The following DYNC1I1 variants were observed in gnomAD, a reference collection of about 807,000 sequenced individuals.
DYNC1I1 encodes dynein cytoplasmic 1 intermediate chain 1.
DYNC1I1 carries 43 observed loss-of-function variants against 86.6 expected under a neutral mutation model. The observed-to-expected ratio is 0.50, with a 90% CI of 0.39 to 0.64. The LOEUF is 0.64. Ranked by LOEUF, DYNC1I1 falls within the 30% of genes least tolerant of loss-of-function variation. DYNC1I1 has a pLI of 0.00. For missense variants in DYNC1I1, 604 were observed against 788.8 expected, an observed-to-expected ratio of 0.77 and a Z score of 2.81; for synonymous variants, 262 against 283.7, an observed-to-expected ratio of 0.92 and a Z score of 0.77.
chr7:96,026,375 A>AT (rs927302366), intron 10 of DYNC1I1, among the ~76,000 whole-genome samples: 1 of 151,244 alleles, frequency 6.6e-6, no homozygotes, highest in South Asian at 2.1e-4. Context: ...GTTCTGTTTT[A>AT]TTTTTTTTAA....
chr7:95,933,227 A>G (rs1791949719), intron 6 of DYNC1I1, among the ~76,000 whole-genome samples: 1 of 152,206 alleles, frequency 6.6e-6, no homozygotes. Flanking sequence ...ATCTCTAAAT[A>G]TGAAAATTCA....
chr7:95,991,071 A>T (rs1050974776), intron 9 of DYNC1I1, among the ~76,000 whole-genome samples: 5 of 152,120 alleles, frequency 3.3e-5, no homozygotes, highest in African/African-American at 1.2e-4. Context: ...AAAATAAAGG[A>T]CTAATAATTT....
At chr7:96,008,326 G>A (rs1235160024) in intron 10 of DYNC1I1, among the ~76,000 whole-genome samples, 1 of 152,016 alleles carries the variant, frequency 6.6e-6, no homozygotes, top group Non-Finnish European at 1.5e-5. Flanking sequence ...CAGAGGGAAG[G>A]GGGTCATTAA....
intron 1 of DYNC1I1, among the ~76,000 whole-genome samples, chr7:95,792,044 T>C (rs1361460246): frequency 6.6e-6 from 1 of 152,246 alleles, no homozygotes; most frequent in African/African-American, 2.4e-5. Context: ...ATGGACATAA[T>C]GTCTCCAATA....
At chr7:95,836,952 CCTT>C (rs1264173040) in intron 5 of DYNC1I1, among the ~76,000 whole-genome samples, 5 of 152,052 alleles carry the variant, frequency 3.3e-5, no homozygotes, top group Admixed American at 6.6e-5. Context: ...TCGTCTGAAG[CCTT>C]CTTCTCTCAG....
At chr7:96,047,894 G>GA (rs1335215458) in intron 14 of DYNC1I1, among the ~76,000 whole-genome samples, 12 of 150,246 alleles carry the variant, frequency 8.0e-5, no homozygotes, top group Admixed American at 5.3e-4. Flanking sequence ...TAAATTAAAA[G>GA]AAAAAACCAG....
intron 8 of DYNC1I1, among the ~76,000 whole-genome samples, chr7:95,986,538 G>A (rs569253820): frequency 1.3e-5 from 2 of 152,232 alleles, no homozygotes; most frequent in South Asian, 2.1e-4. Flanking sequence ...TGTCTACCAC[G>A]CCTGTCTCAT....
intron 5 of DYNC1I1, among the ~76,000 whole-genome samples, chr7:95,865,891 A>G (rs1388667517): frequency 6.6e-6 from 1 of 152,216 alleles, no homozygotes; most frequent in Non-Finnish European, 1.5e-5. Flanking sequence ...AGGTGTGCCC[A>G]TCATGAAGCC....
At chr7:95,956,757 C>T (rs1391427783) in intron 6 of DYNC1I1, among the ~76,000 whole-genome samples, 1 of 152,086 alleles carries the variant, frequency 6.6e-6, no homozygotes, top group African/African-American at 2.4e-5. Flanking sequence ...GTATATGTGC[C>T]ACAATTCCTT....
chr7:95,920,118 G>T (rs1791572703), intron 6 of DYNC1I1, among the ~76,000 whole-genome samples: 1 of 152,180 alleles, frequency 6.6e-6, no homozygotes. Flanking sequence ...TAATCCTATA[G>T]TCGAGGAACT....
chr7:95,888,386 G>A (rs1477317554), intron 6 of DYNC1I1, among the ~76,000 whole-genome samples: 1 of 152,184 alleles, frequency 6.6e-6, no homozygotes, highest in Non-Finnish European at 1.5e-5. Context: ...ACAGTGAGCT[G>A]TGATCATGCC....
chr7:95,793,630 CAG>C (rs1460352869), intron 1 of DYNC1I1, among the ~76,000 whole-genome samples: 5 of 152,186 alleles, frequency 3.3e-5, no homozygotes, highest in African/African-American at 1.2e-4. Flanking sequence ...TGGTTGCACA[CAG>C]AGTCTAAATG....
At chr7:96,013,830 G>A (rs546710472) in intron 10 of DYNC1I1, among the ~76,000 whole-genome samples, 4 of 152,170 alleles carry the variant, frequency 2.6e-5, no homozygotes, top group Non-Finnish European at 5.9e-5. Flanking sequence ...AGAGAGAAGA[G>A]AAGCCCATCT....
intron 6 of DYNC1I1, among the ~76,000 whole-genome samples, chr7:95,901,222 G>A (rs1791029078): frequency 6.6e-6 from 1 of 152,158 alleles, no homozygotes; most frequent in African/African-American, 2.4e-5. Context: ...ATTGACTAGT[G>A]CCCAGTTAGG....
chr7:96,023,055 T>G (rs899506451), intron 10 of DYNC1I1, among the ~76,000 whole-genome samples: 1 of 152,142 alleles, frequency 6.6e-6, no homozygotes, highest in South Asian at 2.1e-4. Flanking sequence ...CCAAATACAC[T>G]TTTCCATTAA....
chr7:95,871,457 A>G (rs1446720351), intron 6 of DYNC1I1, among the ~76,000 whole-genome samples: 1 of 152,228 alleles, frequency 6.6e-6, no homozygotes, highest in East Asian at 1.9e-4. Flanking sequence ...AAGATCGTTA[A>G]AAAACATCCT....
chr7:95,962,238 A>ACTGC (rs1263956960), intron 6 of DYNC1I1, among the ~76,000 whole-genome samples: 1 of 152,106 alleles, frequency 6.6e-6, no homozygotes, highest in African/African-American at 2.4e-5. Context: ...GCTCCATCTG[A>ACTGC]CTGCCCATTC....
intron 6 of DYNC1I1, among the ~76,000 whole-genome samples, chr7:95,870,541 C>A (rs142181846): frequency 6.6e-6 from 1 of 152,358 alleles, no homozygotes; most frequent in Non-Finnish European, 1.5e-5. Flanking sequence ...TAACCTGGCC[C>A]TTTACAGAAA....
intron 6 of DYNC1I1, among the ~76,000 whole-genome samples, chr7:95,934,274 C>G (rs1006542024): frequency 9.9e-5 from 15 of 152,022 alleles, no homozygotes; most frequent in Non-Finnish European, 2.1e-4. Flanking sequence ...CTAGGGTATA[C>G]CGGTACACTA....
Sources: gnomAD v4.1 joint callset for allele counts (sites outside exome capture counted in the v4.1 genomes callset) on GRCh38, gnomAD v4.1.1 for gene constraint, MANE v1.5 for transcripts, NCBI Gene and HGNC (gene_info 2026-07-23, HGNC 2026-07-21) for gene names.